The following ZNF250 variants were observed in gnomAD, a reference collection of about 807,000 sequenced individuals.
ZNF250 encodes the protein zinc finger protein 250.
Under a neutral mutation model 37.1 loss-of-function variants are expected in ZNF250, and 13 were observed. The ratio of observed to expected loss-of-function variants is 0.35; its 90% CI spans 0.23 to 0.56. The LOEUF (loss-of-function observed/expected upper bound fraction) is 0.56. Ranked by LOEUF, ZNF250 falls within the 20% of genes least tolerant of loss-of-function variation. The pLI is 0.87. For missense variants in ZNF250, 474 were observed against 697.9 expected (o/e 0.68, Z 3.61); for synonymous variants, 251 against 265.6 (o/e 0.94, Z 0.54).
At chr8:144,889,720 T>C in intron 3 of ZNF250, 26 bp from the exon 4 acceptor site, 2 of 1,605,828 alleles carry the variant, frequency 1.2e-6, no homozygotes, top group Non-Finnish European at 1.7e-6. Flanking sequence ...GAAGTCTTTG[T>C]TTACACAACA....
intron 5 of ZNF250, among the ~76,000 whole-genome samples, chr8:144,884,163 ATGT>A (rs1303885949): frequency 1.3e-5 from 2 of 152,200 alleles, no homozygotes; most frequent in African/African-American, 4.8e-5. Context: ...GAGATCCATC[ATGT>A]TGTTGTACAG....
Position 144,890,030 on chromosome 8 carries a change from C to G in ZNF250, c.72G>C (p.Val24=), listed in dbSNP as rs773582708. 1.2e-6 allele frequency: 2 copies of G among 1,613,082 alleles called. No individual in the cohort carries two copies. Among genetic ancestry groups the G allele is most frequent in the Non-Finnish European group, 8.5e-7 (1 of 1,179,520 alleles). ...GGTCCCATTCATCCTGGGAGAGGAG[C>G]ACAGCCACATCCTCGAAGGTCAGCT... ...QAKLTFEDVA[V]LLSQDEWDRL... is the part of the protein sequence containing the mutation. The change falls in exon 3 of 6, where the codon GTG becomes GTC. Residue 24 remains valine, a synonymous_variant. Coordinates refer to ENST00000417550, the MANE Select transcript of ZNF250 (RefSeq NM_001109689.4). This position sits in a 1 kb window ranked among gnomAD's most constrained non-coding sequence, Gnocchi z 5.1.
At chr8:144,885,965 T>C (rs914726899) in intron 5 of ZNF250, among the ~76,000 whole-genome samples, 1 of 150,726 alleles carries the variant, frequency 6.6e-6, no homozygotes, top group African/African-American at 2.4e-5. Flanking sequence ...GGCATGGTGG[T>C]GTACACCTGT....
At chr8:144,900,930 A>C (rs956231764) in intron 1 of ZNF250, among the ~76,000 whole-genome samples, 2 of 152,178 alleles carry the variant, frequency 1.3e-5, no homozygotes, top group African/African-American at 4.8e-5. Context: ...GACCCCGAGG[A>C]GCGCGGCAAG....
rs191907400 is a variant in ZNF250, at chr8:144,886,127, C to T, written c.346+713G>A. Among the ~76,000 whole-genome samples, 794 of 150,362 alleles carry T rather than the reference C, an allele frequency of 5.3e-3. 3 individuals are homozygous for T. The highest frequency in any genetic ancestry group is 0.019 in the African/African-American group (772 of 40,968). The stretch of plus-strand genomic sequence containing the variant: ...AAAAAAAAAAAGTTTCCTGAATGGG[C>T]GGCTTCTGACCTGATGCCAGGGTAA... On this transcript the variant is annotated intron_variant, in intron 5 of 5. Transcript: ENST00000417550.
Position 144,890,522 on chromosome 8 carries a change from G to A in ZNF250, c.-54-119C>T, listed in dbSNP as rs1832258419. The A allele has an allele frequency of 1.9e-6, 1 of 528,406 alleles. No individual in the cohort carries two copies. The highest frequency in any genetic ancestry group is 1.9e-5 in the African/African-American group (1 of 53,420). The allele number at this position is 528,406 out of a possible 1,614,324, so 32.7% of individuals were successfully genotyped here. A position where few individuals can be genotyped will look rare whatever the true frequency, so the allele number is the denominator to read the frequency against. On this transcript the variant is annotated intron_variant, in intron 1 of 5. Coordinates refer to ENST00000417550, the MANE Select transcript of ZNF250 (RefSeq NM_001109689.4). This position sits in a 1 kb window ranked among gnomAD's most constrained non-coding sequence, Gnocchi z 5.1. The stretch of plus-strand genomic sequence containing the variant: ...ACTGAGGGGCACACTGAGGTCAGGT[G>A]CAAGGAGCTGCTACTGTTGCAGCCT...
chr8:144,881,330 A>AG lies in ZNF250; in HGVS notation c.*184dup, dbSNP rs1586884610. ...TTCAAGATGTTGAGGAAAATAAAAC[A>AG]GGTAGTCTCTGAAGTTTTTCCACAG... On this transcript the variant is annotated 3_prime_UTR_variant, in exon 6 of 6. Coordinates refer to ENST00000417550, the MANE Select transcript of ZNF250 (RefSeq NM_001109689.4). 2.7e-6 allele frequency: 2 copies of AG among 735,972 alleles called. No individual in the cohort carries two copies. Among genetic ancestry groups the AG allele is most frequent in the East Asian group, 5.8e-5 (2 of 34,230 alleles). The allele number at this position is 735,972 out of a possible 1,614,324, so 45.6% of individuals were successfully genotyped here.
chr8:144,882,662 A>G lies in ZNF250; in HGVS notation c.521T>C (p.Val174Ala), dbSNP rs752039456. The G allele has an allele frequency of 1.5e-5, 25 of 1,613,168 alleles. No homozygotes were observed. The highest frequency in any genetic ancestry group is 2.0e-5 in the Non-Finnish European group (24 of 1,179,664). The change falls in exon 6 of 6, where the codon GTC (valine) becomes GCC (alanine). Residue 174 changes from valine to alanine, a missense_variant. By Grantham distance (64) the Val-to-Ala change is moderately conservative (BLOSUM62 0). Transcript: ENST00000417550. The surrounding 1 kb of genome is among the most constrained non-coding windows in gnomAD (Gnocchi z 5.5). ...AGTGAGTGGCATGCTTTGGCTTAAG[A>G]CCTGAACTTCACGGTGGTCAACAGA... ...PNSVDHREVQ[V>A]LSQSMPLTPH...
Position 144,881,285 on chromosome 8 carries a change from T to C in ZNF250, c.*230A>G, listed in dbSNP as rs370973969. 701 of 495,244 alleles carry C rather than the reference T, an allele frequency of 1.4e-3. 12 individuals are homozygous for C. In the South Asian group the frequency reaches 0.029, roughly 21 times the overall value. The allele number at this position is 495,244 out of a possible 1,614,324, so 30.7% of individuals were successfully genotyped here. A position where few individuals can be genotyped will look rare whatever the true frequency, so the allele number is the denominator to read the frequency against. On this transcript the variant is annotated 3_prime_UTR_variant, in exon 6 of 6. Coordinates refer to ENST00000417550, the MANE Select transcript of ZNF250 (RefSeq NM_001109689.4). The stretch of plus-strand genomic sequence containing the variant: ...TTTACCAAAATTCTCTACAATTGTA[T>C]GATTACTCTCCAACATAACTTCAAG...
intron 1 of ZNF250, among the ~76,000 whole-genome samples, chr8:144,899,724 G>A (rs962252319): frequency 6.6e-6 from 1 of 152,126 alleles, no homozygotes; most frequent in African/African-American, 2.4e-5. Flanking sequence ...GACAAAAGCG[G>A]TTTTTCAAAT....
At chr8:144,888,040 C>T (rs1832021755) in intron 4 of ZNF250, among the ~76,000 whole-genome samples, 1 of 152,190 alleles carries the variant, frequency 6.6e-6, no homozygotes, top group African/African-American at 2.4e-5. Flanking sequence ...AAGTGGGGCA[C>T]ATTATGGCAG....
chr8:144,885,417 G>A (rs556839513), intron 5 of ZNF250, among the ~76,000 whole-genome samples: 3 of 152,126 alleles, frequency 2.0e-5, no homozygotes, highest in East Asian at 1.9e-4. Flanking sequence ...CACCACCCCC[G>A]GCCCAGTTTA....
chr8:144,898,476 T>A (rs1248579058), intron 1 of ZNF250, among the ~76,000 whole-genome samples: 1 of 150,942 alleles, frequency 6.6e-6, no homozygotes, highest in Non-Finnish European at 1.5e-5. Context: ...AAATGCAGAG[T>A]CCCTATAAAG....
At position 144,890,132 on chromosome 8, in the gene ZNF250, T is replaced by C; in HGVS notation, c.43-73A>G. ...TGATGGGGAGTGGGTGCATGTGACA[T>C]GTGACATGAGCAGTTGGCAGTGGGG... On this transcript the variant is annotated intron_variant, in intron 2 of 5. Transcript: ENST00000417550. This position sits in a 1 kb window ranked among gnomAD's most constrained non-coding sequence, Gnocchi z 5.1. The C allele has an allele frequency of 6.3e-7, 1 of 1,576,892 alleles. No individual in the cohort carries two copies. The highest frequency in any genetic ancestry group is 8.6e-7 in the Non-Finnish European group (1 of 1,160,928).
upstream of ZNF250, chr8:144,901,698 C>T (rs968658755): frequency 6.6e-6 from 1 of 152,316 alleles, no homozygotes; most frequent in African/African-American, 2.4e-5. This position sits in a 1 kb window ranked among gnomAD's most constrained non-coding sequence, Gnocchi z 5.4. Context: ...CCGGCCGGCT[C>T]CCCGGCCGCA....
chr8:144,889,551 G>T, intron 4 of ZNF250, 30 bp downstream of exon 4: 2 of 1,577,394 alleles, frequency 1.3e-6, no homozygotes, highest in Non-Finnish European at 1.7e-6. Flanking sequence ...TTAGCCCTCA[G>T]TGAGGGAGGG....
At chr8:144,892,775 C>T (rs1832433684) in intron 1 of ZNF250, among the ~76,000 whole-genome samples, 1 of 151,946 alleles carries the variant, frequency 6.6e-6, no homozygotes, top group Non-Finnish European at 1.5e-5. Flanking sequence ...TCAGGCTGGT[C>T]TTGAACTCCC....
Position 144,890,006 on chromosome 8 carries a change from G to T in ZNF250, c.96C>A (p.Asp32Glu). The T allele has an allele frequency of 4.3e-6, 7 of 1,613,404 alleles. No homozygotes were observed. The highest frequency in any genetic ancestry group is 4.2e-6 in the Non-Finnish European group (5 of 1,179,640). Residue 32 changes from aspartate (D) to glutamate (E), a missense_variant, in exon 3 of 6, where the codon GAC becomes GAA. By Grantham distance (45) the Asp-to-Glu change is conservative. Transcript: ENST00000417550. This position sits in a 1 kb window ranked among gnomAD's most constrained non-coding sequence, Gnocchi z 5.1. ...VAVLLSQDEW[D>E]RLCPAQRGLY... ...GACCCCTCTGAGCAGGGCACAGGCG[G>T]TCCCATTCATCCTGGGAGAGGAGCA...
intron 1 of ZNF250, among the ~76,000 whole-genome samples, chr8:144,894,423 A>G (rs1335694918): frequency 1.3e-5 from 2 of 152,022 alleles, no homozygotes; most frequent in East Asian, 3.9e-4. Context: ...GATTTTCCTC[A>G]GAGCCCTGCA....
Sources: gnomAD v4.1 joint callset for allele counts (sites outside exome capture counted in the v4.1 genomes callset) on GRCh38, gnomAD v4.1.1 for gene constraint, Gnocchi (gnomAD v3.1) non-coding constraint, MANE v1.5 for transcripts, NCBI Gene and HGNC (gene_info 2026-07-23, HGNC 2026-07-21) for gene names.